Variants in ZNF503 observed in about 807,000 individuals in gnomAD.
ZNF503 encodes NocA-like zinc finger 2.
A neutral mutation model predicts 34.4 loss-of-function variants in ZNF503; 15 were observed. That is an observed-to-expected ratio of 0.44 (90% CI 0.29 to 0.67). ZNF503 has a LOEUF of 0.67. Ranked by LOEUF, ZNF503 falls within the 30% of genes least tolerant of loss-of-function variation. ZNF503 has a pLI of 0.13. For missense variants in ZNF503, 1,007 were observed against 926.8 expected (o/e 1.09, Z -1.12); for synonymous variants, 580 against 456.8 (o/e 1.27, Z -3.44).
chr10:75,317,353 C>G, the ZNF503 span, among the ~76,000 whole-genome samples: 1 of 142,798 alleles, frequency 7.0e-6, no homozygotes, highest in Non-Finnish European at 1.5e-5. Context: ...TCTCGGCTCA[C>G]TGCAAGCTCC....
chr10:75,318,672 A>T, the ZNF503 span, among the ~76,000 whole-genome samples: 1 of 148,836 alleles, frequency 6.7e-6, no homozygotes, highest in Non-Finnish European at 1.5e-5. Context: ...CTGTCTCAAA[A>T]AAAAAAAAAA....
At chr10:75,393,409 G>A (rs113153216), downstream of ZNF503, among the ~76,000 whole-genome samples, 866 of 152,370 alleles carry the variant, frequency 5.7e-3, 7 homozygotes, top group African/African-American at 0.02. Flanking sequence ...CAGGCACTGA[G>A]GAGGTGAAAT....
the ZNF503 span, among the ~76,000 whole-genome samples, chr10:75,355,006 C>CT: frequency 3.2e-3 from 477 of 149,778 alleles, 5 homozygotes; most frequent in African/African-American, 0.011. Context: ...GCCCAGCTAA[C>CT]TTTTTTTTTT....
the ZNF503 span, among the ~76,000 whole-genome samples, chr10:75,317,444 A>AT: frequency 0.037 from 5,174 of 140,304 alleles, 291 homozygotes; most frequent in African/African-American, 0.12. Flanking sequence ...CACCTGGCTA[A>AT]TTTTTTTTTT....
the ZNF503 span, among the ~76,000 whole-genome samples, chr10:75,373,128 C>T: frequency 2.0e-5 from 3 of 152,348 alleles, no homozygotes; most frequent in East Asian, 3.9e-4. Flanking sequence ...CGCCATCTTC[C>T]GCGACTGTCA....
At chr10:75,347,607 G>A in the ZNF503 span, among the ~76,000 whole-genome samples, 8 of 152,194 alleles carry the variant, frequency 5.3e-5, no homozygotes, top group Non-Finnish European at 8.8e-5. Context: ...CAAAATGGGG[G>A]GCCCAGCCCC....
At chr10:75,293,887 C>T in the ZNF503 span, among the ~76,000 whole-genome samples, 1 of 152,212 alleles carries the variant, frequency 6.6e-6, no homozygotes, top group African/African-American at 2.4e-5. Flanking sequence ...CCTGGACTTG[C>T]CCAAATTCTC....
In ZNF503 at chr10:75,399,049, C is replaced by A; in HGVS notation, c.1641G>T (p.Gly547=). The A allele has an allele frequency of 6.2e-7, 1 of 1,612,862 alleles. No homozygotes were observed. The part of the protein sequence containing the change: ...SHLRTHTAFP[G]TDKLLSGYPS... ...GGTAGCCCGACAGCAGTTTGTCTGT[C>A]CCGGGAAATGCCGTATGGGTCCGCA... The change falls in exon 2 of 2, where the codon GGG becomes GGT. Residue 547 remains glycine (G), a synonymous_variant. Coordinates refer to ENST00000372524, the MANE Select transcript of ZNF503 (RefSeq NM_032772.6).
the ZNF503 span, among the ~76,000 whole-genome samples, chr10:75,378,563 G>A: frequency 6.6e-6 from 1 of 152,112 alleles, no homozygotes; most frequent in Admixed American, 6.5e-5. Flanking sequence ...TGCTGTGGCA[G>A]CCCTCCATCC....
At position 75,400,283 on chromosome 10, in the gene ZNF503, G is replaced by A. The variant is rs752979860; in HGVS notation, c.407C>T (p.Ser136Leu). Residue 136 changes from serine to leucine, a missense_variant, in exon 2 of 2, where the codon TCG (serine) becomes TTG (leucine). Transcript: ENST00000372524. Reference sequence around the variant, plus strand: ...CGCGCCGCCCCCGTTGGAGGCAACCGAGGAGAGTTTGGAGGAGGGCGAGGG... The same window carrying A: ...CGCGCCGCCCCCGTTGGAGGCAACCAAGGAGAGTTTGGAGGAGGGCGAGGG... ...PDPSPSSKLSSVASNGGGAGG... is the reference protein window; with the variant it reads ...PDPSPSSKLSLVASNGGGAGG... 3.1e-6 allele frequency: 5 copies of A among 1,613,306 alleles called. No homozygotes were observed. The African/African-American group carries it at 4.0e-5, about 13-fold the overall frequency.
At chr10:75,292,625 C>T in the ZNF503 span, among the ~76,000 whole-genome samples, 1 of 152,184 alleles carries the variant, frequency 6.6e-6, no homozygotes, top group African/African-American at 2.4e-5. Context: ...GTTCACATGC[C>T]TATTCCCGGG....
downstream of ZNF503, among the ~76,000 whole-genome samples, chr10:75,397,483 G>A (rs1277563678): frequency 6.6e-6 from 1 of 152,138 alleles, no homozygotes; most frequent in Non-Finnish European, 1.5e-5. Context: ...AAACCCAAAT[G>A]CCCAAAAAGC....
the ZNF503 span, among the ~76,000 whole-genome samples, chr10:75,390,130 C>G: frequency 2.6e-5 from 4 of 152,006 alleles, no homozygotes; most frequent in African/African-American, 7.2e-5. Flanking sequence ...ATCTCCTGAC[C>G]TCGTGATCCG....
At chr10:75,290,343 C>T in the ZNF503 span, among the ~76,000 whole-genome samples, 5 of 152,152 alleles carry the variant, frequency 3.3e-5, no homozygotes, top group South Asian at 2.1e-4. Context: ...TCAGCTGGGA[C>T]GTTGGCTGGG....
chr10:75,293,242 C>T, the ZNF503 span, among the ~76,000 whole-genome samples: 2 of 152,178 alleles, frequency 1.3e-5, no homozygotes, highest in South Asian at 4.1e-4. Context: ...CACCATCCTG[C>T]CCTCAAGTAG....
At chr10:75,336,170 T>G in the ZNF503 span, among the ~76,000 whole-genome samples, 1 of 152,332 alleles carries the variant, frequency 6.6e-6, no homozygotes, top group East Asian at 1.9e-4. Flanking sequence ...TCTGCTAATT[T>G]GCAGTCTATT....
At chr10:75,358,009 T>C in the ZNF503 span, among the ~76,000 whole-genome samples, 4 of 152,210 alleles carry the variant, frequency 2.6e-5, no homozygotes, top group South Asian at 4.1e-4. Context: ...CAGTGCACCA[T>C]TGGAGAGTCC....
the ZNF503 span, chr10:75,343,117 G>C: frequency 6.6e-6 from 1 of 152,350 alleles, no homozygotes; most frequent in Non-Finnish European, 1.5e-5. Context: ...GTTCAGCTTT[G>C]CCACCTCCTG....
At chr10:75,345,252 C>A in the ZNF503 span, among the ~76,000 whole-genome samples, 5 of 152,244 alleles carry the variant, frequency 3.3e-5, no homozygotes, top group African/African-American at 9.6e-5. Flanking sequence ...GGACTGAGAT[C>A]AAGACCCTGA....
Sources: gnomAD v4.1 joint callset for allele counts (sites outside exome capture counted in the v4.1 genomes callset) on GRCh38, gnomAD v4.1.1 for gene constraint, MANE v1.5 for transcripts, NCBI Gene and HGNC (gene_info 2026-07-23, HGNC 2026-07-21) for gene names.